The following SUFU variants were observed in gnomAD, a reference collection of about 807,000 sequenced individuals.
The protein encoded by SUFU is suppressor of fused homolog.
A neutral mutation model predicts 58.9 loss-of-function variants in SUFU; 7 were observed. The ratio of observed to expected loss-of-function variants is 0.12; its 90% confidence interval spans 0.07 to 0.22. The LOEUF (loss-of-function observed/expected upper bound fraction) is 0.22. SUFU is among the 10% of genes least tolerant of loss of function. SUFU has a pLI of 1.00. For synonymous variants in SUFU, 232 were observed against 254.8 expected, an observed-to-expected ratio of 0.91 and a Z score of 0.85; for missense variants, 451 against 641.3, an observed-to-expected ratio of 0.70 and a Z score of 3.20.
chr10:102,577,703 C>T (rs1318815729), intron 3 of SUFU, among the ~76,000 whole-genome samples: 12 of 126,196 alleles, frequency 9.5e-5, no homozygotes, highest in Non-Finnish European at 9.8e-5. Context: ...TTTTTTGAGA[C>T]GTAGTCTCGC....
chr10:102,558,023 C>A (rs1440144148), intron 3 of SUFU, among the ~76,000 whole-genome samples: 10 of 151,526 alleles, frequency 6.6e-5, no homozygotes, highest in Admixed American at 6.6e-4. Context: ...CCTCAGCCTC[C>A]CGAGTAGCTG....
intron 3 of SUFU, among the ~76,000 whole-genome samples, chr10:102,564,996 C>T (rs2063073133): frequency 6.6e-6 from 1 of 152,128 alleles, no homozygotes; most frequent in Admixed American, 6.6e-5. Context: ...GTGATTTAGC[C>T]AATATATAAA....
intron 2 of SUFU, among the ~76,000 whole-genome samples, chr10:102,527,700 A>G (rs1200723461): frequency 6.6e-6 from 1 of 152,118 alleles, no homozygotes; most frequent in Non-Finnish European, 1.5e-5. Context: ...CCATGACATG[A>G]TGTATTCATG....
At chr10:102,611,288 T>G (rs560855150) in intron 8 of SUFU, among the ~76,000 whole-genome samples, 6 of 152,326 alleles carry the variant, frequency 3.9e-5, no homozygotes, top group Non-Finnish European at 8.8e-5. Context: ...TCTGGGCAAC[T>G]TGAAGAACAG....
chr10:102,587,563 C>T (rs997152577), intron 3 of SUFU, among the ~76,000 whole-genome samples: 3 of 152,166 alleles, frequency 2.0e-5, no homozygotes, highest in Admixed American at 6.5e-5. Context: ...GTGATCTCGG[C>T]TCACTGCAAC....
At chr10:102,525,886 C>T (rs1228526060) in intron 2 of SUFU, among the ~76,000 whole-genome samples, 1 of 152,198 alleles carries the variant, frequency 6.6e-6, no homozygotes, top group African/African-American at 2.4e-5. Flanking sequence ...GCAAAGCAGG[C>T]AAGGTTTCTG....
chr10:102,597,033 C>T (rs2063469870), intron 6 of SUFU, 107 bp from the exon 7 acceptor site: 2 of 1,350,152 alleles, frequency 1.5e-6, no homozygotes, highest in Non-Finnish European at 2.1e-6. Context: ...CCATGCTCAG[C>T]ACCACAAGGG....
intron 3 of SUFU, among the ~76,000 whole-genome samples, chr10:102,577,078 T>G (rs1265860490): frequency 1.4e-5 from 1 of 73,348 alleles, no homozygotes; most frequent in Non-Finnish European, 2.6e-5. Flanking sequence ...CCTGGATTTT[T>G]TCTTTTCTTT....
chr10:102,614,077 G>T (rs996536757), intron 8 of SUFU, among the ~76,000 whole-genome samples: 1 of 152,248 alleles, frequency 6.6e-6, no homozygotes, highest in Admixed American at 6.5e-5. Context: ...TGTCCCTGCA[G>T]CTCCTGGCTG....
chr10:102,527,153 C>T (rs1165171537), intron 2 of SUFU, among the ~76,000 whole-genome samples: 1 of 151,922 alleles, frequency 6.6e-6, no homozygotes, highest in Non-Finnish European at 1.5e-5. Flanking sequence ...CAGGCACCCA[C>T]CACCACGCCT....
At chr10:102,510,766 T>C (rs1312887794) in intron 2 of SUFU, among the ~76,000 whole-genome samples, 1 of 152,046 alleles carries the variant, frequency 6.6e-6, no homozygotes, top group Non-Finnish European at 1.5e-5. Context: ...GAGGTTGCAG[T>C]GAGCTGAGAT....
At chr10:102,504,373 T>A in intron 1 of SUFU, 39 bp downstream of exon 1, 1 of 1,611,678 alleles carries the variant, frequency 6.2e-7, no homozygotes, top group Non-Finnish European at 8.5e-7. Context: ...AGGCGCGGGC[T>A]GGAAAGGGTT....
chr10:102,574,453 G>A (rs2063193024), intron 3 of SUFU, among the ~76,000 whole-genome samples: 1 of 152,166 alleles, frequency 6.6e-6, no homozygotes, highest in Admixed American at 6.5e-5. Context: ...AGATTAGAAA[G>A]ATACAAATAT....
Position 102,617,647 on chromosome 10 carries a change from A to G in SUFU, c.1296+219A>G. 1 of 632,172 alleles carries G rather than the reference A, an allele frequency of 1.6e-6. No homozygotes were observed. The highest frequency in any genetic ancestry group is 2.8e-6 in the Non-Finnish European group (1 of 351,176). The allele number at this position is 632,172 out of a possible 1,614,324, so 39.2% of individuals were successfully genotyped here. A position where few individuals can be genotyped will look rare whatever the true frequency, so the allele number is the denominator to read the frequency against. ...CACTTCCTGACCTTCTCCCCCTGTC[A>G]CCTGAGACACAAGTGTTAACTCTCC... On this transcript the variant is annotated intron_variant, in intron 10 of 11. Transcript: ENST00000369902. This position sits in a 1 kb window ranked among gnomAD's most constrained non-coding sequence, Gnocchi z 4.4.
rs758623490 is a variant in SUFU, at chr10:102,617,091, G to A, written c.1158-199G>A. ...AAGGATGATGTTAGAGAACTTGTGAGAGGAGCTTCTCTTTGAAGGTGTTGA... is the reference window on the plus strand; with the variant it reads ...AAGGATGATGTTAGAGAACTTGTGAAAGGAGCTTCTCTTTGAAGGTGTTGA... On this transcript the variant is annotated intron_variant, in intron 9 of 11. Coordinates refer to ENST00000369902, the MANE Select transcript of SUFU (RefSeq NM_016169.4). The surrounding 1 kb of genome is among the most constrained non-coding windows in gnomAD (Gnocchi z 4.4). Among the ~76,000 whole-genome samples the A allele has an allele frequency of 1.3e-5, 2 of 152,238 alleles. No homozygotes were observed. The highest frequency in any genetic ancestry group is 2.9e-5 in the Non-Finnish European group (2 of 68,046).
chr10:102,544,555 ATGG>A (rs1016386364), intron 2 of SUFU, among the ~76,000 whole-genome samples: 2 of 151,860 alleles, frequency 1.3e-5, no homozygotes, highest in African/African-American at 4.8e-5. Flanking sequence ...ACAAAAATTA[ATGG>A]TGTGGTGGCA....
chr10:102,556,159 G>A (rs1280956243), intron 3 of SUFU, among the ~76,000 whole-genome samples: 1 of 152,172 alleles, frequency 6.6e-6, no homozygotes, highest in Non-Finnish European at 1.5e-5. Flanking sequence ...ATGAGGCTCC[G>A]GTGGGTGTGG....
chr10:102,608,826 A>G (rs1387479680), intron 8 of SUFU, among the ~76,000 whole-genome samples: 1 of 152,224 alleles, frequency 6.6e-6, no homozygotes, highest in African/African-American at 2.4e-5. Context: ...CTCAGAGTCC[A>G]AAATGCCAAC....
At chr10:102,513,135 G>T (rs2135634501) in intron 2 of SUFU, among the ~76,000 whole-genome samples, 1 of 152,156 alleles carries the variant, frequency 6.6e-6, no homozygotes, top group East Asian at 1.9e-4. Context: ...CTTTGTACTG[G>T]GATGACTGGT....
Sources: gnomAD v4.1 joint callset for allele counts (sites outside exome capture counted in the v4.1 genomes callset) on GRCh38, gnomAD v4.1.1 for gene constraint, Gnocchi (gnomAD v3.1) non-coding constraint, MANE v1.5 for transcripts, NCBI Gene and HGNC (gene_info 2026-07-23, HGNC 2026-07-21) for gene names.